Variants in RAB3GAP2 observed in about 807,000 individuals in gnomAD.
RAB3GAP2 encodes the protein rab3 GTPase-activating protein non-catalytic subunit.
In RAB3GAP2, 87 loss-of-function variants were observed where a neutral mutation model predicts 185.3. That is an observed-to-expected ratio of 0.47 (90% confidence interval 0.39 to 0.56). The LOEUF is 0.56. Among genes scored for constraint, RAB3GAP2 ranks in the 20% least tolerant of loss-of-function variants. RAB3GAP2 has a pLI of 0.00. For missense variants in RAB3GAP2, 1,492 were observed against 1,638.2 expected (o/e 0.91, Z 1.54); for synonymous variants, 554 against 576.1 (o/e 0.96, Z 0.55).
At chr1:220,256,429 G>C (rs1414167205) in intron 1 of RAB3GAP2, among the ~76,000 whole-genome samples, 2 of 152,110 alleles carry the variant, frequency 1.3e-5, no homozygotes, top group African/African-American at 4.8e-5. Flanking sequence ...ATGTAAATGG[G>C]CTAAATGCCC....
intron 10 of RAB3GAP2, 71 bp downstream of exon 10, chr1:220,196,179 C>G: frequency 6.6e-7 from 1 of 1,524,154 alleles, no homozygotes; most frequent in Non-Finnish European, 9.1e-7. Flanking sequence ...AAGCAAGTTA[C>G]CATATCCAAT....
intron 1 of RAB3GAP2, chr1:220,268,030 T>C (rs1203364418): frequency 4.0e-6 from 2 of 504,058 alleles, no homozygotes; most frequent in East Asian, 3.0e-5. Flanking sequence ...TTTATGTTTT[T>C]ACATATCCTC....
At chr1:220,223,377 T>A (rs1477241436) in intron 2 of RAB3GAP2, among the ~76,000 whole-genome samples, 1 of 152,046 alleles carries the variant, frequency 6.6e-6, no homozygotes, top group Non-Finnish European at 1.5e-5. Context: ...ATAGCTAAAG[T>A]AAGTGCAATG....
intron 2 of RAB3GAP2, among the ~76,000 whole-genome samples, chr1:220,223,853 T>C (rs1366432177): frequency 6.6e-6 from 1 of 150,788 alleles, no homozygotes; most frequent in African/African-American, 2.4e-5. Context: ...ACAATTTCTG[T>C]CAAAATGTAA....
intron 33 of RAB3GAP2, among the ~76,000 whole-genome samples, chr1:220,152,563 G>C (rs1208728197): frequency 3.3e-5 from 5 of 152,162 alleles, no homozygotes; most frequent in African/African-American, 1.2e-4. Context: ...CAGGGCCTTT[G>C]TAATTCTTGT....
chr1:220,212,823 A>G (rs1300498262), intron 4 of RAB3GAP2, 64 bp downstream of exon 4: 2 of 1,321,964 alleles, frequency 1.5e-6, no homozygotes, highest in Non-Finnish European at 2.2e-6. Context: ...AGATTCACCT[A>G]CAAGTCAAAT....
At chr1:220,192,675 A>T (rs1220635926) in intron 13 of RAB3GAP2, among the ~76,000 whole-genome samples, 1 of 152,196 alleles carries the variant, frequency 6.6e-6, no homozygotes, top group Non-Finnish European at 1.5e-5. Context: ...GAATGCAGAT[A>T]AGAGGGCTGT....
At chr1:220,236,606 A>G (rs1165500856) in intron 1 of RAB3GAP2, among the ~76,000 whole-genome samples, 2 of 151,910 alleles carry the variant, frequency 1.3e-5, no homozygotes, top group Non-Finnish European at 2.9e-5. Flanking sequence ...AGTGTTAGAA[A>G]CCCAGCACTT....
intron 1 of RAB3GAP2, chr1:220,267,406 T>TTC: frequency 2.3e-6 from 3 of 1,308,046 alleles, no homozygotes; most frequent in Non-Finnish European, 3.3e-6. Context: ...CACTCCTGCT[T>TTC]TCTCCAGCTG....
At chr1:220,197,988 C>T (rs1184032083) in intron 9 of RAB3GAP2, among the ~76,000 whole-genome samples, 1 of 152,146 alleles carries the variant, frequency 6.6e-6, no homozygotes, top group Non-Finnish European at 1.5e-5. Context: ...ATCTCAATTA[C>T]TCCAGAAACT....
At chr1:220,153,910 TTTCCC>T in intron 32 of RAB3GAP2, 53 bp downstream of exon 32, 1 of 1,605,636 alleles carries the variant, frequency 6.2e-7, no homozygotes, top group South Asian at 1.1e-5. Context: ...CAGCTAGATT[TTTCCC>T]TTATGTTTTT....
At chr1:220,163,852 G>A (rs1179330568) in intron 27 of RAB3GAP2, among the ~76,000 whole-genome samples, 1 of 149,630 alleles carries the variant, frequency 6.7e-6, no homozygotes, top group African/African-American at 2.5e-5. Flanking sequence ...TACAATTTCT[G>A]CAACTGGATT....
At chr1:220,181,390 A>C (rs1022193463) in intron 21 of RAB3GAP2, among the ~76,000 whole-genome samples, 1 of 152,178 alleles carries the variant, frequency 6.6e-6, no homozygotes, top group African/African-American at 2.4e-5. Flanking sequence ...CTGAGGGACA[A>C]CTGTGTATGC....
chr1:220,213,465 C>G (rs1345449200), intron 3 of RAB3GAP2, among the ~76,000 whole-genome samples: 5 of 151,724 alleles, frequency 3.3e-5, no homozygotes, highest in African/African-American at 1.2e-4. Context: ...TGCTATGCCC[C>G]AAACAGAAAT....
At chr1:220,269,263 T>C (rs1008828164) in intron 1 of RAB3GAP2, among the ~76,000 whole-genome samples, 3 of 152,138 alleles carry the variant, frequency 2.0e-5, no homozygotes, top group Admixed American at 1.3e-4. Context: ...ACAAATGTGG[T>C]TGGCTGGTTT....
Position 220,182,784 on chromosome 1 carries a change from ATTC to A in RAB3GAP2, c.2143_2145del (p.Glu715del). On this transcript the variant is annotated inframe_deletion, in exon 20 of 35. Transcript: ENST00000358951. ...AGCACATCCTTTTCATATTCTAAAT[ATTC>A]CAAGAATGTTTTTACAGGCAACACA... 1 of 1,613,070 alleles carries A rather than the reference ATTC, an allele frequency of 6.2e-7. No homozygotes were observed. The highest frequency in any genetic ancestry group is 8.5e-7 in the Non-Finnish European group (1 of 1,179,762).
intron 1 of RAB3GAP2, chr1:220,254,349 GCCACATCT>G: frequency 5.0e-6 from 8 of 1,613,380 alleles, no homozygotes; most frequent in Non-Finnish European, 6.8e-6. Context: ...TGTATGGAGC[GCCACATCT>G]CCTGAGATTA....
chr1:220,167,907 T>C (rs1448731787), intron 24 of RAB3GAP2, among the ~76,000 whole-genome samples: 1 of 152,162 alleles, frequency 6.6e-6, no homozygotes, highest in African/African-American at 2.4e-5. Context: ...TCTCAGAAAA[T>C]ATTAGATAAA....
intron 1 of RAB3GAP2, among the ~76,000 whole-genome samples, chr1:220,234,529 G>C (rs781009197): frequency 6.6e-6 from 1 of 152,168 alleles, no homozygotes; most frequent in Non-Finnish European, 1.5e-5. Context: ...ACTATCATTT[G>C]ATTAACATTG....
Sources: gnomAD v4.1 joint callset for allele counts (sites outside exome capture counted in the v4.1 genomes callset) on GRCh38, gnomAD v4.1.1 for gene constraint, MANE v1.5 for transcripts, NCBI Gene and HGNC (gene_info 2026-07-23, HGNC 2026-07-21) for gene names.